NEB: variants seen among roughly 807,000 people sequenced by gnomAD.
NEB encodes the protein nemaline myopathy type 2.
In NEB, 512 loss-of-function variants were observed where a neutral mutation model predicts 952.2. The observed-to-expected ratio is 0.54, with a 90% CI of 0.50 to 0.58. The LOEUF (loss-of-function observed/expected upper bound fraction) is 0.58, where lower values mean the gene tolerates loss of function less well. Among genes scored for constraint, NEB ranks in the 20% least tolerant of loss-of-function variants. The pLI, the probability that NEB is intolerant of heterozygous loss-of-function variation, is 0.00. For synonymous variants in NEB, 2,900 were observed against 3,149.8 expected, an observed-to-expected ratio of 0.92 and a Z score of 2.66; for missense variants, 8,428 against 9,231.1, an observed-to-expected ratio of 0.91 and a Z score of 3.56.
In NEB at chr2:151,516,499, G is replaced by GT; in HGVS notation, c.22864dup (p.Thr7622AsnfsTer18). On this transcript the variant is annotated frameshift_variant, in exon 157 of 182. Transcript: ENST00000397345. LOFTEE classifies it high-confidence loss of function. ...CTGAGACTCTTTGGCAGTGATGTAC[G>GT]TTGGTGTTTCAAAGTCCAGCATGGG... The GT allele has an allele frequency of 1.2e-6, 2 of 1,613,448 alleles. No individual in the cohort carries two copies.
chr2:151,712,561 C>T (rs1183916817), intron 10 of NEB, among the ~76,000 whole-genome samples: 2 of 152,108 alleles, frequency 1.3e-5, no homozygotes, highest in African/African-American at 4.8e-5. Flanking sequence ...GGGTGGAGAT[C>T]GAGCTCTCAC....
At chr2:151,712,683 A>G (rs2150136543) in intron 10 of NEB, among the ~76,000 whole-genome samples, 1 of 152,128 alleles carries the variant, frequency 6.6e-6, no homozygotes, top group East Asian at 1.9e-4. Flanking sequence ...TGTGAGTAGG[A>G]GAGAATTTGA....
rs115631125 is a variant in NEB at position 151,561,253 on chromosome 2, C to T, written c.19056G>A (p.Thr6352=). ...NLQNYNLVTD[T]PLYVTAVQSG... ...TCTGAACAGCAGTCACATAGAGGGG[C>T]GTGTCTGTGACCAGATTATAGTTTT... is the stretch of plus-strand genomic sequence containing the variant. Residue 6352 remains threonine, a synonymous_variant, in exon 122 of 182, where the codon ACG becomes ACA. Coordinates refer to ENST00000397345, the MANE Select transcript of NEB (RefSeq NM_001164508.2). The T allele has an allele frequency of 3.1e-6, 5 of 1,608,336 alleles. No homozygotes were observed. In the South Asian group the frequency reaches 3.3e-5, roughly 11 times the overall value.
chr2:151,680,810 G>A lies in NEB; in HGVS notation c.2962C>T (p.Pro988Ser), dbSNP rs1367076258. The A allele has an allele frequency of 3.1e-6, 5 of 1,612,562 alleles. No homozygotes were observed. The highest frequency in any genetic ancestry group is 1.7e-6 in the Non-Finnish European group (2 of 1,178,870). Residue 988 changes from proline to serine, a missense_variant, in exon 30 of 182, where the codon CCA (proline) becomes TCA (serine). By Grantham distance (74) the Pro-to-Ser change is moderately conservative. This residue lies in a region of NEB where 2,851 missense variants were observed against 2,791.5 expected (regional missense o/e 1.02). Transcript: ENST00000397345. ...ATCGAGGTAAACTTGAGGGTGTCTG[G>A]ATGTTGGCGATATTTTTTCTGTTTG... ...ILNEKKYRQH[P>S]DTLKFTSIED... is the part of the protein sequence containing the mutation.
chr2:151,649,704 T>A (rs1204235333), intron 54 of NEB, among the ~76,000 whole-genome samples: 3 of 152,186 alleles, frequency 2.0e-5, no homozygotes, highest in African/African-American at 7.2e-5. Context: ...GAAAATAAGT[T>A]GAAGATGGAA....
At position 151,501,894 on chromosome 2, in the gene NEB, A is replaced by G. The variant is rs184956922; in HGVS notation, c.23929-411T>C. ...ATAAAGAATAAATGTTGAAAGCTAA[A>G]TAATACTAGCTTTCAATGATACTGA... On this transcript the variant is annotated intron_variant, in intron 167 of 181. Coordinates refer to ENST00000397345, the MANE Select transcript of NEB (RefSeq NM_001164508.2). 3.6e-3 allele frequency among the ~76,000 whole-genome samples: 544 copies of G among 152,358 alleles called. 1 individual carries two copies. The highest frequency in any genetic ancestry group is 0.01 in the Middle Eastern group (3 of 294).
rs1400353669 is a variant in NEB, at chr2:151,498,368, G to C, written c.24115-16C>G. 1 of 1,518,108 alleles carries C rather than the reference G, an allele frequency of 6.6e-7. No homozygotes were observed. The highest frequency in any genetic ancestry group is 2.0e-5 in the Admixed American group (1 of 49,470). 94.0% of individuals were successfully genotyped at this position (1,518,108 alleles called of 1,614,324 possible). ...TGTATAGCACCTGTATGATGAGAAA[G>C]CATCCAGAACAAAAAAAGCAATCAA... On this transcript the variant is annotated splice_polypyrimidine_tract_variant and intron_variant, in intron 169 of 181. Coordinates refer to ENST00000397345, the MANE Select transcript of NEB (RefSeq NM_001164508.2).
chr2:151,664,385 G>A (rs980106188), intron 44 of NEB, 116 bp downstream of exon 44: 3 of 670,734 alleles, frequency 4.5e-6, no homozygotes, highest in Non-Finnish European at 7.3e-6. Context: ...TGTGTCACAT[G>A]GGATGGCATT....
At chr2:151,710,598 C>A in intron 10 of NEB, 60 bp from the exon 11 acceptor site, 1 of 993,744 alleles carries the variant, frequency 1.0e-6, no homozygotes, top group Non-Finnish European at 1.5e-6. Flanking sequence ...AATAAGACAG[C>A]AAATTAAGAA....
Position 151,631,313 on chromosome 2 carries a change from C to T in NEB, c.9448G>A (p.Gly3150Ser), listed in dbSNP as rs745445273. The change falls in exon 66 of 182, where the codon GGC becomes AGC. Residue 3150 changes from glycine to serine, a missense_variant. Gly to Ser is a moderately conservative substitution (Grantham distance 56, BLOSUM62 0). Transcript: ENST00000397345. ...GACCCAATGGGGACCCAGCCAATGCCTCTCAGCCACTGGAGATCTGACTTG... is the reference window on the plus strand; with the variant it reads ...GACCCAATGGGGACCCAGCCAATGCTTCTCAGCCACTGGAGATCTGACTTG... ...IYKSDLQWLRGIGWVPIGSMD... is the reference protein window; with the variant it reads ...IYKSDLQWLRSIGWVPIGSMD... The T allele has an allele frequency of 6.2e-6, 10 of 1,613,786 alleles. No individual in the cohort carries two copies. Among genetic ancestry groups the T allele is most frequent in the East Asian group, 4.5e-5 (2 of 44,862 alleles).
chr2:151,621,079 G>A (rs2098406358), intron 71 of NEB, 53 bp from the exon 72 acceptor site: 1 of 1,434,270 alleles, frequency 7.0e-7, no homozygotes, highest in South Asian at 1.2e-5. Context: ...CACTCGAAAA[G>A]TATATTTTCT....
In NEB at chr2:151,650,266, AT is replaced by A; in HGVS notation, c.7340del (p.Tyr2447PhefsTer19). The A allele has an allele frequency of 6.2e-7, 1 of 1,613,860 alleles. No homozygotes were observed. Among genetic ancestry groups the A allele is most frequent in the Non-Finnish European group, 8.5e-7 (1 of 1,179,854 alleles). On this transcript the variant is annotated frameshift_variant, in exon 54 of 182. Transcript: ENST00000397345. LOFTEE classifies it high-confidence loss of function. ...ACTTGTTTCTGTCTGGAGGCTGACG[AT>A]ATTTCTTCTCACTGATGATTTCCGA... is the stretch of plus-strand genomic sequence containing the variant. ...RASEIISEKK[Y>X]RQPPDRNKFT...
At chr2:151,679,664 C>A in intron 32 of NEB, 57 bp downstream of exon 32, 3 of 652,986 alleles carry the variant, frequency 4.6e-6, no homozygotes, top group Admixed American at 4.0e-5. Context: ...TCGTCAGACC[C>A]CAAGCCCACC....
chr2:151,708,512 A>T (rs1238369639), intron 12 of NEB, among the ~76,000 whole-genome samples: 1 of 151,972 alleles, frequency 6.6e-6, no homozygotes, highest in Non-Finnish European at 1.5e-5. Context: ...CTCATCTTAC[A>T]TATATGTTCC....
chr2:151,497,821 A>C, intron 170 of NEB, 103 bp from the exon 171 acceptor site: 2 of 1,527,502 alleles, frequency 1.3e-6, no homozygotes, highest in Non-Finnish European at 1.8e-6. Flanking sequence ...AGGAGCCAGA[A>C]GTTATATGCT....
At chr2:151,709,520 A>C (rs1248263367) in intron 12 of NEB, 136 bp downstream of exon 12, 1 of 603,446 alleles carries the variant, frequency 1.7e-6, no homozygotes, top group Non-Finnish European at 2.9e-6. Context: ...AATGCCTCAC[A>C]TCCACTGGTC....
chr2:151,554,923 G>T lies in NEB; in HGVS notation c.19428+8C>A, dbSNP rs773614835. On this transcript the variant is annotated splice_region_variant and intron_variant, in intron 125 of 181. Transcript: ENST00000397345. The stretch of plus-strand genomic sequence containing the variant: ...CCTAGTCATTAAGGGGCGCATGACC[G>T]TACTTACATCGATGTTAAGCTTGCC... The T allele has an allele frequency of 8.2e-6, 13 of 1,586,352 alleles. No homozygotes were observed. Among genetic ancestry groups the T allele is most frequent in the Admixed American group, 1.7e-5 (1 of 59,936 alleles).
chr2:151,697,597 A>C lies in NEB; in HGVS notation c.1204T>G (p.Cys402Gly). 6.2e-7 allele frequency: 1 copy of C among 1,613,220 alleles called. No homozygotes were observed. Among genetic ancestry groups the C allele is most frequent in the Non-Finnish European group, 8.5e-7 (1 of 1,179,738 alleles). ...EKTKAKSINY[C>G]ETPKFKLDTV... ...TCGAGCTTGAATTTGGGGGTCTCGC[A>C]GTAATTTATGCTCTTTGCTTTTGTC... is the stretch of plus-strand genomic sequence containing the variant. Residue 402 changes from cysteine (C) to glycine (G), a missense_variant, in exon 14 of 182, where the codon TGC becomes GGC. By Grantham distance (159) the Cys-to-Gly change is radical. Transcript: ENST00000397345.
Position 151,531,838 on chromosome 2 carries a change from G to C in NEB, c.21476C>G (p.Thr7159Ser), listed in dbSNP as rs778455036. The C allele has an allele frequency of 6.2e-7, 1 of 1,613,060 alleles. No individual in the cohort carries two copies. The highest frequency in any genetic ancestry group is 2.2e-5 in the East Asian group (1 of 44,858). ...TTTTGTAGTACGCAGGTGTTCTGGA[G>C]TATCCACAATTGAGGTAAATTTGTC... ...SKDKFTSIVD[T>S]PEHLRTTKVN... The change falls in exon 144 of 182, where the codon ACT becomes AGT. Residue 7159 changes from threonine (T) to serine (S), a missense_variant. Coordinates refer to ENST00000397345, the MANE Select transcript of NEB (RefSeq NM_001164508.2).
Sources: allele counts gnomAD v4.1 joint callset (sites outside exome capture counted in the v4.1 genomes callset), GRCh38; gene constraint gnomAD v4.1.1; regional missense constraint gnomAD v4.1.1; transcripts MANE v1.5; gene names NCBI Gene and HGNC (gene_info 2026-07-23, HGNC 2026-07-21).